The following ELF1 variants were observed in gnomAD, a reference collection of about 807,000 sequenced individuals.
The protein encoded by ELF1 is E74 like ETS transcription factor 1, also known as ETS-related transcription factor Elf-1.
ELF1 carries 24 observed loss-of-function variants against 59.9 expected under a neutral mutation model. The observed-to-expected ratio is 0.40, with a 90% confidence interval of 0.29 to 0.56. ELF1 has a LOEUF of 0.56. ELF1 is among the 20% of genes least tolerant of loss of function. The pLI, the probability that ELF1 is intolerant of heterozygous loss-of-function variation, is 0.44. For synonymous variants in ELF1, 248 were observed against 266.2 expected (o/e 0.93, Z 0.67); for missense variants, 627 against 742.2 (o/e 0.84, Z 1.80).
chr13:41,017,869 A>G (rs531287775), intron 1 of ELF1, among the ~76,000 whole-genome samples: 1 of 152,298 alleles, frequency 6.6e-6, no homozygotes, highest in African/African-American at 2.4e-5. Context: ...GCTTTTGCTT[A>G]CTCAAAGGCT....
intron 8 of ELF1, among the ~76,000 whole-genome samples, chr13:40,937,217 T>C (rs1869841194): frequency 6.6e-6 from 1 of 152,200 alleles, no homozygotes; most frequent in African/African-American, 2.4e-5. Context: ...TGACTACTTT[T>C]TAAAAATCTC....
intron 1 of ELF1, among the ~76,000 whole-genome samples, chr13:41,003,530 AGCT>A: frequency 7.2e-6 from 1 of 138,536 alleles, no homozygotes; most frequent in South Asian, 2.5e-4. Context: ...GCCAGATCTA[AGCT>A]AAAGTCCTAT....
At chr13:40,950,050 T>A in intron 4 of ELF1, 77 bp from the exon 5 acceptor site, 9 of 1,268,192 alleles carry the variant, frequency 7.1e-6, no homozygotes, top group Non-Finnish European at 9.6e-6. Flanking sequence ...ATTTCTTGTT[T>A]CTATTATGAC....
intron 1 of ELF1, among the ~76,000 whole-genome samples, chr13:41,012,441 A>G (rs186438455): frequency 4.2e-4 from 64 of 151,662 alleles, no homozygotes; most frequent in Non-Finnish European, 6.2e-4. Flanking sequence ...TGTTTTTAAG[A>G]AAAAAAGGTC....
intron 1 of ELF1, among the ~76,000 whole-genome samples, chr13:41,004,551 C>T (rs1358315542): frequency 6.6e-6 from 1 of 152,026 alleles, no homozygotes; most frequent in African/African-American, 2.4e-5. Flanking sequence ...ATAAGTCAAC[C>T]TCTATAACTT....
chr13:40,972,027 G>A (rs1872574307), intron 2 of ELF1, among the ~76,000 whole-genome samples: 1 of 152,008 alleles, frequency 6.6e-6, no homozygotes, highest in South Asian at 2.1e-4. Flanking sequence ...ATAAATATCA[G>A]AGTAGTCACT....
chr13:41,020,902 A>T (rs969802401), upstream of ELF1, among the ~76,000 whole-genome samples: 2 of 152,236 alleles, frequency 1.3e-5, no homozygotes, highest in Non-Finnish European at 2.9e-5. Context: ...AAACTGTAAC[A>T]GGTAAAAGAG....
intron 1 of ELF1, among the ~76,000 whole-genome samples, chr13:41,017,613 C>T (rs1488269290): frequency 6.6e-6 from 1 of 152,032 alleles, no homozygotes; most frequent in Non-Finnish European, 1.5e-5. Flanking sequence ...CTTGAAACTC[C>T]ACTTCAGTCT....
intron 1 of ELF1, among the ~76,000 whole-genome samples, chr13:41,057,151 C>CTTTT (rs11358975): frequency 7.6e-6 from 1 of 131,624 alleles, no homozygotes; most frequent in African/African-American, 2.8e-5. Flanking sequence ...ACTTTCACGT[C>CTTTT]TTTTTTTTTT....
intron 1 of ELF1, among the ~76,000 whole-genome samples, chr13:40,989,255 C>T (rs1172472139): frequency 1.3e-5 from 2 of 152,166 alleles, no homozygotes; most frequent in African/African-American, 2.4e-5. Flanking sequence ...TCAGCTCCTG[C>T]TTTCTCTAAA....
intron 1 of ELF1, among the ~76,000 whole-genome samples, chr13:41,051,172 A>G (rs982028131): frequency 6.6e-6 from 1 of 152,180 alleles, no homozygotes; most frequent in Non-Finnish European, 1.5e-5. Flanking sequence ...TAGCACTTTA[A>G]GGGACAGTAA....
At chr13:41,055,839 C>T (rs984555416) in intron 1 of ELF1, among the ~76,000 whole-genome samples, 1 of 151,760 alleles carries the variant, frequency 6.6e-6, no homozygotes, top group Non-Finnish European at 1.5e-5. Flanking sequence ...AACGCACCAC[C>T]ACACCAGCTA....
intron 1 of ELF1, among the ~76,000 whole-genome samples, chr13:41,007,957 C>T (rs1433410252): frequency 6.6e-6 from 1 of 152,156 alleles, no homozygotes; most frequent in South Asian, 2.1e-4. Flanking sequence ...GATGAAACTG[C>T]GAGTGCCTCT....
chr13:40,936,831 C>G (rs1869815612), intron 8 of ELF1, among the ~76,000 whole-genome samples: 1 of 151,274 alleles, frequency 6.6e-6, no homozygotes, highest in African/African-American at 2.4e-5. Flanking sequence ...CCTATAATCC[C>G]AGCAACTCGG....
At chr13:40,971,523 T>C (rs907642273) in intron 2 of ELF1, among the ~76,000 whole-genome samples, 2 of 152,214 alleles carry the variant, frequency 1.3e-5, no homozygotes, top group South Asian at 2.1e-4. Context: ...AGTGTTGTGA[T>C]TGCAGGCATG....
intron 6 of ELF1, among the ~76,000 whole-genome samples, 194 bp from the exon 7 acceptor site, chr13:40,943,338 T>G (rs1593351200): frequency 6.6e-6 from 1 of 152,210 alleles, no homozygotes; most frequent in African/African-American, 2.4e-5. Flanking sequence ...ATAAAGATCT[T>G]TTTATGAGTC....
rs180791306 is a variant in ELF1, at chr13:40,960,640, G to A, written c.73-1624C>T. On this transcript the variant is annotated intron_variant, in intron 2 of 8. Coordinates refer to ENST00000239882, the MANE Select transcript of ELF1 (RefSeq NM_172373.4). Reference sequence around the variant, plus strand: ...TACTATTGAGACAGGGTCTTGCTCTGTTGCCCAGGCTGGACTCGAACTCCT... The same window carrying A: ...TACTATTGAGACAGGGTCTTGCTCTATTGCCCAGGCTGGACTCGAACTCCT... Among the ~76,000 whole-genome samples, 432 of 152,242 alleles carry A rather than the reference G, an allele frequency of 2.8e-3. 1 individual carries two copies. The highest frequency in any genetic ancestry group is 9.9e-3 in the African/African-American group (411 of 41,540).
In ELF1 at chr13:40,992,203, C is replaced by T. The variant is rs142686660; in HGVS notation, c.-228-9921G>A. ...AGAAAATGAACTCAGAGAAGATAAACGATTTGCCCAAAGTCGCATGAGACA... is the reference window on the plus strand; with the variant it reads ...AGAAAATGAACTCAGAGAAGATAAATGATTTGCCCAAAGTCGCATGAGACA... On this transcript the variant is annotated intron_variant, in intron 1 of 8. Coordinates refer to ENST00000239882, the MANE Select transcript of ELF1 (RefSeq NM_172373.4). Among the ~76,000 whole-genome samples the T allele has an allele frequency of 5.7e-3, 866 of 152,256 alleles. 8 individuals carry two copies. The highest frequency in any genetic ancestry group is 0.013 in the South Asian group (65 of 4,832).
At chr13:41,035,156 C>T (rs1593405888) in intron 1 of ELF1, among the ~76,000 whole-genome samples, 1 of 152,236 alleles carries the variant, frequency 6.6e-6, no homozygotes, top group African/African-American at 2.4e-5. Context: ...TACTGCTATG[C>T]GCAAAGCACT....
Sources: allele counts gnomAD v4.1 joint callset (sites outside exome capture counted in the v4.1 genomes callset), GRCh38; gene constraint gnomAD v4.1.1; transcripts MANE v1.5; gene names NCBI Gene and HGNC (gene_info 2026-07-23, HGNC 2026-07-21).